PTGES3: variants seen among roughly 807,000 people sequenced by gnomAD.
PTGES3 encodes the protein prostaglandin E synthase 3.
Under a neutral mutation model 29.9 loss-of-function variants are expected in PTGES3, and 5 were observed. The ratio of observed to expected loss-of-function variants is 0.17; its 90% CI spans 0.09 to 0.35. The LOEUF is 0.35. Among genes scored for constraint, PTGES3 ranks in the 10% least tolerant of loss-of-function variants. The pLI is 1.00. For missense variants in PTGES3, 128 were observed against 190.0 expected (o/e 0.67, Z 1.92); for synonymous variants, 49 against 57.8 (o/e 0.85, Z 0.69).
At chr12:56,684,564 C>CA (rs1952734834) in intron 1 of PTGES3, among the ~76,000 whole-genome samples, 2 of 152,220 alleles carry the variant, frequency 1.3e-5, no homozygotes, top group South Asian at 4.1e-4. Context: ...ATCAGAGACG[C>CA]AAGTTTCTGG....
At position 56,688,045 on chromosome 12, in the gene PTGES3, T is replaced by TGGC; in HGVS notation, c.-49_-47dup. 6.7e-7 allele frequency: 1 copy of TGGC among 1,500,114 alleles called. No homozygotes were observed. Among genetic ancestry groups the TGGC allele is most frequent in the Non-Finnish European group, 8.9e-7 (1 of 1,123,604 alleles). The allele number at this position is 1,500,114 out of a possible 1,614,324, so 92.9% of individuals were successfully genotyped here. ...GGGCGAACTGGTGGGCGGGCCTCTCTGGCGGCGGCTGCTGCTAGGGAGTCG... is the reference window on the plus strand; with the variant it reads ...GGGCGAACTGGTGGGCGGGCCTCTCTGGCGGCGGCGGCTGCTGCTAGGGAGTCG... On this transcript the variant is annotated 5_prime_UTR_variant, in exon 1 of 8. Coordinates refer to ENST00000262033, the MANE Select transcript of PTGES3 (RefSeq NM_006601.7).
chr12:56,670,566 G>A (rs1951963944), intron 4 of PTGES3: 1 of 528,868 alleles, frequency 1.9e-6, no homozygotes, highest in East Asian at 3.2e-5. Context: ...CAAGGGTCTT[G>A]TTTACCCTCT....
intron 4 of PTGES3, 58 bp downstream of exon 4, chr12:56,671,691 T>C: frequency 1.8e-6 from 2 of 1,127,318 alleles, no homozygotes; most frequent in Non-Finnish European, 1.3e-6. Flanking sequence ...AATAAGTACA[T>C]CTTTTATTAC....
intron 1 of PTGES3, among the ~76,000 whole-genome samples, chr12:56,685,733 G>C (rs894639313): frequency 6.8e-5 from 10 of 146,202 alleles, no homozygotes; most frequent in Non-Finnish European, 1.2e-4. Flanking sequence ...AACTAGAGAG[G>C]CTACTTTTTG....
chr12:56,669,068 G>A (rs1209065191), intron 5 of PTGES3, among the ~76,000 whole-genome samples: 4 of 139,006 alleles, frequency 2.9e-5, no homozygotes. Context: ...GGAGTGCAGT[G>A]GTGTGATCTC....
chr12:56,675,419 C>T (rs577450053), intron 1 of PTGES3, among the ~76,000 whole-genome samples: 9 of 151,278 alleles, frequency 5.9e-5, no homozygotes, highest in African/African-American at 1.9e-4. Flanking sequence ...AAAATGATTC[C>T]TACATTTTTT....
intron 6 of PTGES3, chr12:56,665,113 T>G (rs529975117): frequency 7.5e-4 from 736 of 985,110 alleles, no homozygotes; most frequent in Non-Finnish European, 8.7e-4. Context: ...TGAAGAAAAA[T>G]GGACTGATAG....
At chr12:56,665,635 T>C in intron 6 of PTGES3, 1 of 985,250 alleles carries the variant, frequency 1.0e-6, no homozygotes, top group Non-Finnish European at 1.2e-6. Context: ...ATCATACCTA[T>C]AAACTGACTC....
chr12:56,676,231 C>CAAAA (rs149558664), intron 1 of PTGES3, among the ~76,000 whole-genome samples: 25 of 122,904 alleles, frequency 2.0e-4, no homozygotes, highest in African/African-American at 5.2e-4. Context: ...GTCTCCCCCC[C>CAAAA]CAAAAAAAAA....
chr12:56,664,560 T>A, intron 7 of PTGES3, 62 bp from the exon 8 acceptor site: 3 of 1,532,226 alleles, frequency 2.0e-6, no homozygotes, highest in Non-Finnish European at 2.7e-6. Context: ...AATTTTACTG[T>A]CTTAAAGGAA....
intron 1 of PTGES3, among the ~76,000 whole-genome samples, chr12:56,687,098 AG>A (rs1168949225): frequency 6.6e-6 from 1 of 151,858 alleles, no homozygotes; most frequent in Non-Finnish European, 1.5e-5. Context: ...AAAATCGCCA[AG>A]GCTTTCCTTT....
rs1434507171 is a variant in PTGES3, at chr12:56,666,229, A to G, written c.413T>C (p.Leu138Ser). 1 of 1,611,302 alleles carries G rather than the reference A, an allele frequency of 6.2e-7. No homozygotes were observed. The highest frequency in any genetic ancestry group is 1.7e-4 in the Middle Eastern group (1 of 6,056). The change falls in exon 6 of 8, where the codon TTA (leucine) becomes TCA (serine). Residue 138 changes from leucine to serine, a missense_variant. Leu to Ser is a moderately radical substitution (Grantham distance 145). Coordinates refer to ENST00000262033, the MANE Select transcript of PTGES3 (RefSeq NM_006601.7). ...ATCATCTGCTCCATCTACTTCTGGT[A>G]AATCTACATCCTCATCACCACCCAT... The part of the protein sequence containing the change: ...NNMGGDEDVD[L>S]PEVDGADDDS...
intron 7 of PTGES3, 87 bp from the exon 8 acceptor site, chr12:56,664,585 C>T: frequency 5.5e-6 from 8 of 1,447,344 alleles, no homozygotes; most frequent in Non-Finnish European, 7.6e-6. Context: ...AACCAAAAAT[C>T]GAAATACATA....
Position 56,688,119 on chromosome 12 carries a change from T to A in PTGES3, c.-120A>T, listed in dbSNP as rs1952975469. 6 of 1,415,084 alleles carry A rather than the reference T, an allele frequency of 4.2e-6. No individual in the cohort carries two copies. Among genetic ancestry groups the A allele is most frequent in the Non-Finnish European group, 5.5e-6 (6 of 1,085,964 alleles). 87.7% of individuals were successfully genotyped at this position (1,415,084 alleles called of 1,614,324 possible). On this transcript the variant is annotated 5_prime_UTR_variant, in exon 1 of 8. Transcript: ENST00000262033. The stretch of plus-strand genomic sequence containing the variant: ...CTTTTTCTCTCCGGTCGCGGCCTCT[T>A]CTCGCTTCCCTCAGGCGACGGCGGC...
At chr12:56,681,786 G>A (rs1952555227) in intron 1 of PTGES3, among the ~76,000 whole-genome samples, 1 of 151,634 alleles carries the variant, frequency 6.6e-6, no homozygotes, top group African/African-American at 2.4e-5. Context: ...ACACCCAGGA[G>A]GCAGAGCTTG....
intron 1 of PTGES3, among the ~76,000 whole-genome samples, chr12:56,683,827 C>T (rs1275432887): frequency 1.3e-5 from 2 of 150,322 alleles, no homozygotes; most frequent in Non-Finnish European, 3.0e-5. Context: ...GGCGAGGTGG[C>T]GGGTGCCTGT....
chr12:56,669,133 C>T (rs527682955), intron 5 of PTGES3, among the ~76,000 whole-genome samples: 1 of 150,778 alleles, frequency 6.6e-6, no homozygotes, highest in Non-Finnish European at 1.5e-5. Context: ...CCTTAGCCTC[C>T]GGAGTAGCTG....
chr12:56,685,394 C>CT (rs1374341315), intron 1 of PTGES3, among the ~76,000 whole-genome samples: 2 of 96,912 alleles, frequency 2.1e-5, no homozygotes, highest in African/African-American at 3.7e-5. Context: ...AGCATTTTTT[C>CT]TTTTCTTTTT....
At position 56,681,537 on chromosome 12, in the gene PTGES3, CAAAAAAAAAA is replaced by C. The variant is rs34581651; in HGVS notation, c.2+6451_2+6460del. Among the ~76,000 whole-genome samples the C allele has an allele frequency of 5.8e-4, 15 of 25,692 alleles. No homozygotes were observed. The Admixed American group carries it at 7.4e-3, about 13-fold the overall frequency. 16.9% of individuals were successfully genotyped at this position (25,692 alleles called of 152,430 possible). A position where few individuals can be genotyped will look rare whatever the true frequency, so the allele number is the denominator to read the frequency against. ...TGGGCAACAGAGTGAGACTCCATCTCAAAAAAAAAAAAAAAAAAAAAAAAGAATCAGCCGG... is the reference window on the plus strand; with the variant it reads ...TGGGCAACAGAGTGAGACTCCATCTCAAAAAAAAAAAAAAGAATCAGCCGG... On this transcript the variant is annotated intron_variant, in intron 1 of 7. Coordinates refer to ENST00000262033, the MANE Select transcript of PTGES3 (RefSeq NM_006601.7).
Sources: gnomAD v4.1 joint callset for allele counts (sites outside exome capture counted in the v4.1 genomes callset) on GRCh38, gnomAD v4.1.1 for gene constraint, MANE v1.5 for transcripts, NCBI Gene and HGNC (gene_info 2026-07-23, HGNC 2026-07-21) for gene names.